Variants in TRAPPC12 observed in about 807,000 individuals in gnomAD.
The protein encoded by TRAPPC12 is trafficking protein particle complex subunit 12, also known as TPR repeat protein 15.
TRAPPC12 carries 61 observed loss-of-function variants against 69.2 expected under a neutral mutation model. The ratio of observed to expected loss-of-function variants is 0.88; its 90% confidence interval spans 0.72 to 1.09. TRAPPC12 has a LOEUF of 1.09. Among genes scored for constraint, TRAPPC12 ranks in the 50% least tolerant of loss-of-function variants. The pLI, the probability that TRAPPC12 is intolerant of heterozygous loss-of-function variation, is 0.00. For synonymous variants in TRAPPC12, 469 were observed against 438.9 expected (o/e 1.07, Z -0.86); for missense variants, 1,101 against 1,016.4 (o/e 1.08, Z -1.13).
At chr2:3,438,689 G>A (rs1219909014) in intron 5 of TRAPPC12, among the ~76,000 whole-genome samples, 2 of 151,918 alleles carry the variant, frequency 1.3e-5, no homozygotes, top group Non-Finnish European at 2.9e-5. Context: ...GAATCATACA[G>A]TATGTGGTCC....
At chr2:3,392,130 T>C (rs1304995926) in intron 2 of TRAPPC12, among the ~76,000 whole-genome samples, 1 of 152,162 alleles carries the variant, frequency 6.6e-6, no homozygotes, top group African/African-American at 2.4e-5. Flanking sequence ...CTAAGAGTAC[T>C]CAGTACCTTG....
chr2:3,405,879 C>T (rs1487718839), intron 3 of TRAPPC12, among the ~76,000 whole-genome samples: 1 of 152,198 alleles, frequency 6.6e-6, no homozygotes, highest in East Asian at 1.9e-4. Context: ...ACTCCTAACC[C>T]ATGGCAGTGA....
intron 3 of TRAPPC12, 175 bp from the exon 4 acceptor site, chr2:3,421,706 C>T (rs1262271671): frequency 1.4e-6 from 1 of 721,142 alleles, no homozygotes; most frequent in Admixed American, 2.0e-5. Context: ...GCAGCGTTGA[C>T]AAATGGCATG....
At chr2:3,381,457 C>G (rs982721148) in intron 1 of TRAPPC12, among the ~76,000 whole-genome samples, 3 of 152,170 alleles carry the variant, frequency 2.0e-5, no homozygotes, top group Non-Finnish European at 2.9e-5. Context: ...TAATCACATT[C>G]TTGTGCAAAG....
At chr2:3,467,918 T>TCGTCCCCCGTCCCC (rs1355752820) in intron 9 of TRAPPC12, 2 of 152,260 alleles carry the variant, frequency 1.3e-5, no homozygotes, top group African/African-American at 4.8e-5. Flanking sequence ...AGCACGTCCC[T>TCGTCCCCCGTCCCC]CGTCCCCCGT....
chr2:3,429,625 A>G (rs1366559852), intron 5 of TRAPPC12, among the ~76,000 whole-genome samples: 2 of 152,182 alleles, frequency 1.3e-5, no homozygotes, highest in African/African-American at 4.8e-5. Context: ...GTGCAAATTC[A>G]GATATTTGAT....
At chr2:3,382,770 C>T (rs1200557771) in intron 1 of TRAPPC12, among the ~76,000 whole-genome samples, 2 of 152,220 alleles carry the variant, frequency 1.3e-5, no homozygotes, top group African/African-American at 4.8e-5. Flanking sequence ...ACAAAAAATA[C>T]AAAAATAGCT....
intron 9 of TRAPPC12, among the ~76,000 whole-genome samples, chr2:3,470,526 C>T (rs1218159785): frequency 6.6e-6 from 1 of 152,268 alleles, no homozygotes; most frequent in African/African-American, 2.4e-5. Flanking sequence ...CCAATCCTGC[C>T]TCCACCAGTG....
chr2:3,407,951 T>A (rs1046441582), intron 3 of TRAPPC12, among the ~76,000 whole-genome samples: 2 of 152,200 alleles, frequency 1.3e-5, no homozygotes, highest in African/African-American at 2.4e-5. Context: ...GAACTGGCTC[T>A]GGCTCTCACA....
intron 6 of TRAPPC12, among the ~76,000 whole-genome samples, chr2:3,450,288 A>C (rs1664782216): frequency 6.6e-6 from 1 of 152,354 alleles, no homozygotes. Flanking sequence ...TAAATCGTGC[A>C]TTCTTTGCCT....
intron 5 of TRAPPC12, among the ~76,000 whole-genome samples, chr2:3,442,120 G>A (rs1423491755): frequency 5.6e-5 from 5 of 89,260 alleles, no homozygotes; most frequent in East Asian, 4.9e-4. Context: ...TAGTCTGTAC[G>A]TTGAGATCGG....
intron 1 of TRAPPC12, among the ~76,000 whole-genome samples, chr2:3,384,491 T>A (rs1660404359): frequency 6.6e-6 from 1 of 152,194 alleles, no homozygotes; most frequent in Non-Finnish European, 1.5e-5. Context: ...TTACTTTCTG[T>A]TGCTAGTTTG....
chr2:3,420,630 C>G (rs1444945329), intron 3 of TRAPPC12, among the ~76,000 whole-genome samples: 1 of 152,194 alleles, frequency 6.6e-6, no homozygotes, highest in African/African-American at 2.4e-5. Flanking sequence ...GCCCCCCACA[C>G]CGCCGCTGTG....
chr2:3,447,557 G>A (rs1226229718), intron 6 of TRAPPC12, among the ~76,000 whole-genome samples: 2 of 152,090 alleles, frequency 1.3e-5, no homozygotes, highest in African/African-American at 4.8e-5. Context: ...CATTGCCATA[G>A]GGACGGTACC....
chr2:3,413,354 C>T, intron 3 of TRAPPC12, among the ~76,000 whole-genome samples: 1 of 152,220 alleles, frequency 6.6e-6, no homozygotes. Context: ...CTTCATTACT[C>T]ATTGTCATCC....
At chr2:3,454,102 G>C (rs1170372213) in intron 6 of TRAPPC12, among the ~76,000 whole-genome samples, 1 of 152,228 alleles carries the variant, frequency 6.6e-6, no homozygotes, top group Non-Finnish European at 1.5e-5. Flanking sequence ...TTCTCCAGCT[G>C]TCCCCTTCTC....
At chr2:3,382,571 C>T (rs556861053) in intron 1 of TRAPPC12, among the ~76,000 whole-genome samples, 170 of 152,314 alleles carry the variant, frequency 1.1e-3, no homozygotes, top group Non-Finnish European at 2.1e-3. Context: ...GTCCTAGGTA[C>T]TACGACCACA....
At chr2:3,400,481 C>T (rs1359254755) in intron 2 of TRAPPC12, among the ~76,000 whole-genome samples, 1 of 152,176 alleles carries the variant, frequency 6.6e-6, no homozygotes, top group Non-Finnish European at 1.5e-5. Context: ...GCCCCTGCCT[C>T]AGGTGTTTCA....
At chr2:3,397,059 C>G (rs1408610192) in intron 2 of TRAPPC12, among the ~76,000 whole-genome samples, 4 of 152,170 alleles carry the variant, frequency 2.6e-5, no homozygotes, top group African/African-American at 9.7e-5. Context: ...ATATCTGCAT[C>G]TATTTTTATG....
Sources: allele counts gnomAD v4.1 joint callset (sites outside exome capture counted in the v4.1 genomes callset), GRCh38; gene constraint gnomAD v4.1.1; transcripts MANE v1.5; gene names NCBI Gene and HGNC (gene_info 2026-07-23, HGNC 2026-07-21).